Variants in PCSK5 observed in about 807,000 individuals in gnomAD.
The protein encoded by PCSK5 is prohormone convertase 5.
Under a neutral mutation model 233.2 loss-of-function variants are expected in PCSK5, and 129 were observed. That is an observed-to-expected ratio of 0.55 (90% CI 0.48 to 0.64). The LOEUF (loss-of-function observed/expected upper bound fraction) is 0.64, where lower values mean the gene tolerates loss of function less well. PCSK5 is among the 30% of genes least tolerant of loss of function. The pLI is 0.00. For missense variants in PCSK5, 2,076 were observed against 2,430.1 expected, an observed-to-expected ratio of 0.85 and a Z score of 3.06; for synonymous variants, 825 against 879.2, an observed-to-expected ratio of 0.94 and a Z score of 1.09.
At chr9:76,013,416 T>A (rs1281465802) in intron 3 of PCSK5, among the ~76,000 whole-genome samples, 2 of 152,210 alleles carry the variant, frequency 1.3e-5, no homozygotes, top group African/African-American at 2.4e-5. Context: ...AAAATATCCC[T>A]TGAAAGCATC....
intron 14 of PCSK5, 30 bp downstream of exon 14, chr9:76,175,159 A>G: frequency 1.2e-6 from 2 of 1,611,786 alleles, no homozygotes; most frequent in Non-Finnish European, 1.7e-6. Flanking sequence ...GACACAGGCT[A>G]AAAAGAGGCA....
At chr9:76,175,948 A>G (rs1044609846) in intron 14 of PCSK5, among the ~76,000 whole-genome samples, 42 of 151,842 alleles carry the variant, frequency 2.8e-4, no homozygotes, top group African/African-American at 7.5e-4. Flanking sequence ...TGTCTCTCAC[A>G]TTGTTTCGTC....
At chr9:76,141,096 T>G (rs905988610) in intron 10 of PCSK5, among the ~76,000 whole-genome samples, 5 of 152,164 alleles carry the variant, frequency 3.3e-5, no homozygotes, top group African/African-American at 7.2e-5. Context: ...CAAAGATATA[T>G]GTCGTCAAGC....
chr9:76,351,161 G>T (rs1294732999), intron 36 of PCSK5, among the ~76,000 whole-genome samples: 1 of 152,130 alleles, frequency 6.6e-6, no homozygotes, highest in East Asian at 1.9e-4. Context: ...TAATGGGGAA[G>T]TTAAGTCGTG....
chr9:76,052,102 A>G (rs956187310), intron 5 of PCSK5, among the ~76,000 whole-genome samples: 7 of 152,198 alleles, frequency 4.6e-5, no homozygotes, highest in African/African-American at 1.7e-4. Context: ...AGTACTAACC[A>G]GGGAGCCAAG....
intron 37 of PCSK5, among the ~76,000 whole-genome samples, chr9:76,357,197 C>T (rs1442719591): frequency 6.6e-6 from 1 of 152,164 alleles, no homozygotes; most frequent in Non-Finnish European, 1.5e-5. Flanking sequence ...AAAACAGAGG[C>T]TGATGGATGA....
chr9:75,948,561 C>T (rs541980514), intron 2 of PCSK5, among the ~76,000 whole-genome samples: 6 of 152,004 alleles, frequency 3.9e-5, no homozygotes, highest in South Asian at 2.1e-4. Context: ...AGTCTATCAT[C>T]GATGGACATT....
At chr9:76,263,584 C>G (rs1383242991) in intron 24 of PCSK5, among the ~76,000 whole-genome samples, 1 of 150,898 alleles carries the variant, frequency 6.6e-6, no homozygotes, top group Non-Finnish European at 1.5e-5. Flanking sequence ...ACAATAGGAA[C>G]ACATGGACAC....
At chr9:76,101,619 C>T (rs896953201) in intron 8 of PCSK5, among the ~76,000 whole-genome samples, 1 of 152,140 alleles carries the variant, frequency 6.6e-6, no homozygotes, top group African/African-American at 2.4e-5. Context: ...GTGATTGGGA[C>T]ATAGGGTTTC....
chr9:76,029,634 T>C (rs371647414), intron 5 of PCSK5, among the ~76,000 whole-genome samples: 4 of 152,298 alleles, frequency 2.6e-5, no homozygotes, highest in African/African-American at 9.6e-5. Context: ...TAAGACTTTT[T>C]TAAAGCCAAG....
intron 1 of PCSK5, among the ~76,000 whole-genome samples, chr9:75,915,926 A>G (rs1822968001): frequency 6.6e-6 from 1 of 152,230 alleles, no homozygotes; most frequent in Admixed American, 6.5e-5. Context: ...ATTCTTAAAT[A>G]TCACTTCTAA....
chr9:75,946,268 A>C (rs1201481694), intron 2 of PCSK5, among the ~76,000 whole-genome samples: 1 of 152,226 alleles, frequency 6.6e-6, no homozygotes, highest in East Asian at 1.9e-4. Flanking sequence ...TAGACATTAG[A>C]GCAACTGGTT....
chr9:76,079,849 AG>A (rs1830771743), intron 7 of PCSK5, among the ~76,000 whole-genome samples: 1 of 152,102 alleles, frequency 6.6e-6, no homozygotes, highest in Non-Finnish European at 1.5e-5. Flanking sequence ...TTTGATGCCT[AG>A]TCTGTTGAGG....
chr9:75,914,326 C>T (rs1172602905), intron 1 of PCSK5, among the ~76,000 whole-genome samples: 6 of 152,136 alleles, frequency 3.9e-5, no homozygotes, highest in Non-Finnish European at 8.8e-5. Flanking sequence ...GCCCCCACAG[C>T]ACCACGTCAG....
At chr9:75,890,244 T>A (rs956257133), upstream of PCSK5, among the ~76,000 whole-genome samples, 2 of 152,220 alleles carry the variant, frequency 1.3e-5, no homozygotes, top group Non-Finnish European at 1.5e-5. Flanking sequence ...ATTAACGAAG[T>A]GAAAATCTCG....
chr9:75,891,512 CCTG>C, intron 1 of PCSK5, 139 bp downstream of exon 1: 2 of 630,872 alleles, frequency 3.2e-6, no homozygotes, highest in Non-Finnish European at 2.6e-6. Flanking sequence ...TGCTCTGTCT[CCTG>C]CGCGCGCGCG....
intron 8 of PCSK5, among the ~76,000 whole-genome samples, chr9:76,100,109 C>T (rs1343594719): frequency 6.6e-6 from 1 of 152,186 alleles, no homozygotes; most frequent in Non-Finnish European, 1.5e-5. Context: ...TTACTTCTAG[C>T]ACAGTTGTGG....
intron 32 of PCSK5, among the ~76,000 whole-genome samples, chr9:76,326,993 G>T (rs1458348647): frequency 6.6e-6 from 1 of 152,160 alleles, no homozygotes; most frequent in African/African-American, 2.4e-5. Flanking sequence ...TCGGCCTGGT[G>T]CAGTGGCTCA....
intron 10 of PCSK5, among the ~76,000 whole-genome samples, chr9:76,134,980 G>C (rs993208076): frequency 6.6e-6 from 1 of 151,992 alleles, no homozygotes; most frequent in Non-Finnish European, 1.5e-5. Flanking sequence ...AATCTAACTT[G>C]TAACAAACAT....
Sources: gnomAD v4.1 joint callset for allele counts (sites outside exome capture counted in the v4.1 genomes callset) on GRCh38, gnomAD v4.1.1 for gene constraint, MANE v1.5 for transcripts, NCBI Gene and HGNC (gene_info 2026-07-23, HGNC 2026-07-21) for gene names.